The following TCEANC2 variants were observed in gnomAD, a reference collection of about 807,000 sequenced individuals.
TCEANC2 encodes transcription elongation factor A N-terminal and central domain-containing protein 2.
In TCEANC2, 20 loss-of-function variants were observed where a neutral mutation model predicts 22.8. The observed-to-expected ratio is 0.88, with a 90% CI of 0.62 to 1.28. The LOEUF (loss-of-function observed/expected upper bound fraction) is 1.28. Ranked by LOEUF, TCEANC2 falls within the 50% of genes most tolerant of loss-of-function variation. The probability of loss-of-function intolerance (pLI) is 0.00; values close to 1 mark genes in which losing one functional copy is unlikely to be tolerated. For missense variants in TCEANC2, 251 were observed against 249.7 expected (o/e 1.01, Z -0.03); for synonymous variants, 84 against 95.5 (o/e 0.88, Z 0.70).
At chr1:54,086,848 G>T (rs775932293) in intron 3 of TCEANC2, among the ~76,000 whole-genome samples, 1 of 152,206 alleles carries the variant, frequency 6.6e-6, no homozygotes, top group Non-Finnish European at 1.5e-5. Context: ...CAATCAGGGT[G>T]CCTCCATAGT....
intron 3 of TCEANC2, among the ~76,000 whole-genome samples, chr1:54,073,183 T>C (rs572539270): frequency 9.9e-5 from 15 of 152,072 alleles, no homozygotes; most frequent in Non-Finnish European, 1.9e-4. Context: ...CCCAGGATGG[T>C]CTTGAACTCC....
At position 54,088,647 on chromosome 1, in the gene TCEANC2, C is replaced by T; in HGVS notation, c.295C>T (p.Leu99Phe). The T allele has an allele frequency of 6.2e-7, 1 of 1,606,394 alleles. No individual in the cohort carries two copies. Among genetic ancestry groups the T allele is most frequent in the Middle Eastern group, 1.9e-4 (1 of 5,190 alleles). The change falls in exon 4 of 5, where the codon CTT (leucine) becomes TTT (phenylalanine). Residue 99 changes from leucine to phenylalanine, a missense_variant. Transcript: ENST00000234827. ...RKHSDSEVAS[L>F]AREVYTEWKT... ...ACACTCAGATTCAGAAGTGGCTTCT[C>T]TTGCCAGAGAAGTTTACACTGAGTG...
At chr1:54,092,282 A>G (rs535368655) in intron 4 of TCEANC2, among the ~76,000 whole-genome samples, 1 of 152,294 alleles carries the variant, frequency 6.6e-6, no homozygotes, top group African/African-American at 2.4e-5. Flanking sequence ...CTGATAACCT[A>G]TAAACGATTA....
intron 3 of TCEANC2, 86 bp from the exon 4 acceptor site, chr1:54,088,511 A>G (rs1173707547): frequency 9.2e-7 from 1 of 1,090,664 alleles, no homozygotes; most frequent in Non-Finnish European, 1.3e-6. Context: ...TGACTTTCTC[A>G]GTGCCACACG....
intron 3 of TCEANC2, among the ~76,000 whole-genome samples, chr1:54,076,120 G>A (rs959657608): frequency 6.6e-6 from 1 of 151,988 alleles, no homozygotes; most frequent in Non-Finnish European, 1.5e-5. Context: ...TTTAGGTTTA[G>A]GGGTACATGT....
intron 4 of TCEANC2, among the ~76,000 whole-genome samples, chr1:54,089,443 A>G (rs966141686): frequency 6.6e-6 from 1 of 152,180 alleles, no homozygotes; most frequent in African/African-American, 2.4e-5. Flanking sequence ...TACAATTCAG[A>G]TGATGTTAGT....
chr1:54,085,817 T>G (rs573255304), intron 3 of TCEANC2, among the ~76,000 whole-genome samples: 4 of 152,256 alleles, frequency 2.6e-5, no homozygotes, highest in African/African-American at 9.6e-5. Flanking sequence ...CACTATAGCC[T>G]TGAACTTTTA....
At position 54,088,651 on chromosome 1, in the gene TCEANC2, C is replaced by A; in HGVS notation, c.299C>A (p.Ala100Asp). 4 of 1,608,284 alleles carry A rather than the reference C, an allele frequency of 2.5e-6. No individual in the cohort carries two copies. The highest frequency in any genetic ancestry group is 3.4e-6 in the Non-Finnish European group (4 of 1,178,224). ...KHSDSEVASL[A>D]REVYTEWKTF... Reference sequence around the variant, plus strand: ...TCAGATTCAGAAGTGGCTTCTCTTGCCAGAGAAGTTTACACTGAGTGGAAA... The same window carrying A: ...TCAGATTCAGAAGTGGCTTCTCTTGACAGAGAAGTTTACACTGAGTGGAAA... Residue 100 changes from alanine to aspartate, a missense_variant, in exon 4 of 5, where the codon GCC (alanine) becomes GAC (aspartate). Transcript: ENST00000234827.
intron 4 of TCEANC2, chr1:54,089,999 C>A: frequency 1.5e-6 from 1 of 678,732 alleles, no homozygotes; most frequent in Non-Finnish European, 2.7e-6. Context: ...GAACCACTTT[C>A]TGTATTGCTA....
intron 3 of TCEANC2, among the ~76,000 whole-genome samples, chr1:54,086,644 A>G (rs1046299221): frequency 5.3e-5 from 8 of 152,240 alleles, no homozygotes; most frequent in African/African-American, 1.9e-4. Flanking sequence ...GGAGGGTGGC[A>G]GATTGTGAAG....
intron 3 of TCEANC2, among the ~76,000 whole-genome samples, chr1:54,087,218 G>T (rs1658354461): frequency 6.6e-6 from 1 of 152,006 alleles, no homozygotes; most frequent in Admixed American, 6.5e-5. Context: ...GTGTTCAGTT[G>T]ACTTCTTTAG....
At position 54,096,444 on chromosome 1, in the gene TCEANC2, G is replaced by C. The variant is rs1557695259; in HGVS notation, c.598G>C (p.Gly200Arg). Residue 200 changes from glycine (G) to arginine (R), a missense_variant, in exon 5 of 5, where the codon GGC becomes CGC. Coordinates refer to ENST00000234827, the MANE Select transcript of TCEANC2 (RefSeq NM_153035.3). The surrounding 1 kb of genome is among the most constrained non-coding windows in gnomAD (Gnocchi z 4.9). ...GGTGAAGAGCGGCTCGCTGCCAGTC[G>C]GCACGTTTGTACAGACCCACAAAAA... ...AQVKSGSLPV[G>R]TFVQTHKK 1.9e-6 allele frequency: 3 copies of C among 1,612,202 alleles called. No individual in the cohort carries two copies. The South Asian group carries it at 3.3e-5, about 18-fold the overall frequency.
rs1280828326 is a variant in TCEANC2 at position 54,105,883 on chromosome 1, T to C, written c.*9410T>C. 1 of 152,168 alleles carries C rather than the reference T, an allele frequency of 6.6e-6. No homozygotes were observed. The highest frequency in any genetic ancestry group is 6.5e-5 in the Admixed American group (1 of 15,270). The allele number at this position is 152,168 out of a possible 1,614,324, so 9.4% of individuals were successfully genotyped here. A position where few individuals can be genotyped will look rare whatever the true frequency, so the allele number is the denominator to read the frequency against. On this transcript the variant is annotated 3_prime_UTR_variant, in exon 5 of 5. Transcript: ENST00000234827. The stretch of plus-strand genomic sequence containing the variant: ...ATCCGCGCTCCTCGGCCTCCCAAAG[T>C]GCTGGGATTATAGACATGAATCACC...
chr1:54,106,450 T>G (rs1658755587), downstream of TCEANC2, among the ~76,000 whole-genome samples: 1 of 152,224 alleles, frequency 6.6e-6, no homozygotes, highest in Admixed American at 6.5e-5. Flanking sequence ...CCCCAAATAT[T>G]ATTACTTTGA....
chr1:54,073,662 A>G (rs1468286480), intron 3 of TCEANC2, among the ~76,000 whole-genome samples: 1 of 152,172 alleles, frequency 6.6e-6, no homozygotes, highest in Non-Finnish European at 1.5e-5. Flanking sequence ...ATTATTATTG[A>G]AGACTTTTGA....
Position 54,103,874 on chromosome 1 carries a change from A to C in TCEANC2, c.*7401A>C, listed in dbSNP as rs1339513417. ...GCACAACTCTCAAAGGGCTTATAGA[A>C]TGTTTAATCTACTGGGATAGATTAT... On this transcript the variant is annotated 3_prime_UTR_variant, in exon 5 of 5. Transcript: ENST00000234827. 2.0e-5 allele frequency: 3 copies of C among 152,218 alleles called. No homozygotes were observed. Among genetic ancestry groups the C allele is most frequent in the African/African-American group, 7.2e-5 (3 of 41,446 alleles). 9.4% of individuals were successfully genotyped at this position (152,218 alleles called of 1,614,324 possible).
chr1:54,091,797 G>A (rs1392806418), intron 4 of TCEANC2, among the ~76,000 whole-genome samples: 1 of 152,136 alleles, frequency 6.6e-6, no homozygotes, highest in Non-Finnish European at 1.5e-5. Flanking sequence ...CCCCTGTGGT[G>A]TCATTCTCTT....
At chr1:54,110,288 T>A (rs1304271269), downstream of TCEANC2, among the ~76,000 whole-genome samples, 1 of 152,204 alleles carries the variant, frequency 6.6e-6, no homozygotes, top group Non-Finnish European at 1.5e-5. Flanking sequence ...GCAGGTCATG[T>A]CACTCCCCTG....
downstream of TCEANC2, among the ~76,000 whole-genome samples, chr1:54,109,041 G>A (rs1019094361): frequency 6.6e-6 from 1 of 152,088 alleles, no homozygotes; most frequent in Non-Finnish European, 1.5e-5. Flanking sequence ...GTCCCAGGCC[G>A]CAGAGATGAA....
Sources: gnomAD v4.1 joint callset for allele counts (sites outside exome capture counted in the v4.1 genomes callset) on GRCh38, gnomAD v4.1.1 for gene constraint, Gnocchi (gnomAD v3.1) non-coding constraint, MANE v1.5 for transcripts, NCBI Gene and HGNC (gene_info 2026-07-23, HGNC 2026-07-21) for gene names.